Variants in NAAA observed in about 807,000 individuals in gnomAD.
NAAA encodes N-acylethanolamine acid amidase, also known as N-acylethanolamine-hydrolyzing acid amidase.
Under a neutral mutation model 44.8 loss-of-function variants are expected in NAAA, and 39 were observed. That is an observed-to-expected ratio of 0.87 (90% CI 0.67 to 1.14). The LOEUF (loss-of-function observed/expected upper bound fraction) is 1.14. Among genes scored for constraint, NAAA ranks in the 50% most tolerant of loss-of-function variants. NAAA has a pLI of 0.00. For synonymous variants in NAAA, 178 were observed against 191.3 expected, an observed-to-expected ratio of 0.93 and a Z score of 0.58; for missense variants, 460 against 467.8, an observed-to-expected ratio of 0.98 and a Z score of 0.15.
In NAAA at chr4:75,940,338, G is replaced by T. The variant is rs7694898; in HGVS notation, c.207-173C>A. 4,458 of 642,624 alleles carry T rather than the reference G, an allele frequency of 6.9e-3. 76 individuals are homozygous for T. Among genetic ancestry groups the T allele is most frequent in the African/African-American group, 0.045 (2,449 of 54,420 alleles). The allele number at this position is 642,624 out of a possible 1,614,324, so 39.8% of individuals were successfully genotyped here. A position where few individuals can be genotyped will look rare whatever the true frequency, so the allele number is the denominator to read the frequency against. ...ACTCAATCTGCAGCCTCCCGGGAGT[G>T]GGGGGAAGGGGGCGGGGGGAAGGCG... On this transcript the variant is annotated intron_variant, in intron 1 of 10. Transcript: ENST00000286733.
chr4:75,930,565 C>T (rs1044364065), intron 4 of NAAA: 1 of 488,370 alleles, frequency 2.0e-6, no homozygotes, highest in Non-Finnish European at 4.0e-6. Flanking sequence ...TCATATATCC[C>T]CTAGATTATC....
intron 2 of NAAA, 25 bp downstream of exon 2, chr4:75,939,976 C>T (rs768724091): frequency 6.2e-7 from 1 of 1,610,920 alleles, no homozygotes; most frequent in Admixed American, 1.7e-5. Context: ...CCCCGCGTTA[C>T]TCCGCGCGGG....
At chr4:75,922,770 A>G (rs1726292810) in intron 5 of NAAA, among the ~76,000 whole-genome samples, 1 of 152,180 alleles carries the variant, frequency 6.6e-6, no homozygotes, top group Non-Finnish European at 1.5e-5. Context: ...CAAAGAAGAA[A>G]TTTTCCCTTG....
Position 75,940,877 on chromosome 4 carries a change from GC to G in NAAA, c.72del (p.Leu25CysfsTer14), listed in dbSNP as rs1728225050. The G allele has an allele frequency of 6.4e-7, 1 of 1,563,824 alleles. No individual in the cohort carries two copies. Among genetic ancestry groups the G allele is most frequent in the South Asian group, 1.2e-5 (1 of 86,938 alleles). On this transcript the variant is annotated frameshift_variant, in exon 1 of 11. Transcript: ENST00000286733. LOFTEE classifies it high-confidence loss of function. ...SLLLLLLAGA[G>X]LSAASPPAAP... ...GCTGCTGGGGGCGAGGCGGCTGACA[GC>G]CCGGCCCCGGCCAGCAGCAGCAGCA... is the stretch of plus-strand genomic sequence containing the variant.
intron 9 of NAAA, 116 bp downstream of exon 9, chr4:75,918,645 G>C (rs1377320215): frequency 3.4e-5 from 36 of 1,046,682 alleles, no homozygotes; most frequent in Non-Finnish European, 4.6e-5. Flanking sequence ...CCCCACAGGA[G>C]TGCCCCCACA....
In NAAA at chr4:75,921,116, C is replaced by T. The variant is rs61735952; in HGVS notation, c.674G>A (p.Ser225Asn). The T allele has an allele frequency of 6.1e-3, 9,664 of 1,578,054 alleles. 499 individuals carry two copies. In the African/African-American group the frequency reaches 0.12, roughly 19 times the overall value. Reference sequence around the variant, plus strand: ...AGCTGCTTCGAAGTTTTCCGACTCACTCAGGGTCTGAACGAAAGGATGAAC... The same window carrying T: ...AGCTGCTTCGAAGTTTTCCGACTCATTCAGGGTCTGAACGAAAGGATGAAC... ...PVSWLIRATL[S>N]ESENFEAAVG... The change falls in exon 6 of 11, where the codon AGT becomes AAT. Residue 225 changes from serine to asparagine, a missense_variant. By Grantham distance (46) the Ser-to-Asn change is conservative (BLOSUM62 1). Transcript: ENST00000286733.
intron 9 of NAAA, among the ~76,000 whole-genome samples, chr4:75,915,794 G>C (rs547222561): frequency 2.0e-5 from 3 of 152,282 alleles, no homozygotes; most frequent in South Asian, 2.1e-4. Flanking sequence ...CCAGATCTAA[G>C]GATGAAAAGT....
At chr4:75,938,870 T>C (rs1727962306) in intron 2 of NAAA, among the ~76,000 whole-genome samples, 1 of 152,218 alleles carries the variant, frequency 6.6e-6, no homozygotes, top group Non-Finnish European at 1.5e-5. Flanking sequence ...TTCTTTGATA[T>C]GGAATCTCGC....
intron 2 of NAAA, among the ~76,000 whole-genome samples, chr4:75,939,095 C>T (rs1480518745): frequency 1.3e-5 from 2 of 152,168 alleles, no homozygotes; most frequent in Non-Finnish European, 2.9e-5. Flanking sequence ...TCAGGTGATT[C>T]ACCCGCCTCG....
At chr4:75,914,830 C>T in intron 10 of NAAA, 38 bp downstream of exon 10, 2 of 1,477,394 alleles carry the variant, frequency 1.4e-6, no homozygotes, top group South Asian at 2.3e-5. Context: ...CAGCACACAC[C>T]CACCTCACCC....
rs981312809 is a variant in NAAA at position 75,933,182 on chromosome 4, A to G, written c.499-1878T>C. On this transcript the variant is annotated intron_variant, in intron 3 of 10. Transcript: ENST00000286733. ...AAACAGTATCTGACTCATACTGTTC[A>G]ATAAAAGTTAACTAATACCATTATG... 7.9e-5 allele frequency among the ~76,000 whole-genome samples: 12 copies of G among 151,594 alleles called. 1 individual carries two copies. The highest frequency in any genetic ancestry group is 2.9e-4 in the African/African-American group (12 of 41,404).
intron 9 of NAAA, among the ~76,000 whole-genome samples, chr4:75,915,898 T>C (rs909527000): frequency 4.6e-5 from 7 of 152,190 alleles, no homozygotes; most frequent in Non-Finnish European, 8.8e-5. Flanking sequence ...TGGAATCCAG[T>C]TGAGGTGCAT....
chr4:75,927,650 C>CA (rs138766256), intron 4 of NAAA, among the ~76,000 whole-genome samples: 34,667 of 100,362 alleles, frequency 0.35, 5,853 homozygotes, highest in South Asian at 0.49. Context: ...CCCCCCCCGC[C>CA]AAAAAAAATA....
At chr4:75,934,974 T>C (rs979910895) in intron 3 of NAAA, 5 of 151,624 alleles carry the variant, frequency 3.3e-5, no homozygotes, top group African/African-American at 9.7e-5. Flanking sequence ...TATAGAACAA[T>C]GGAGAAAAAA....
chr4:75,923,998 C>T (rs974998441), intron 5 of NAAA, among the ~76,000 whole-genome samples: 9 of 152,148 alleles, frequency 5.9e-5, no homozygotes, highest in Admixed American at 2.6e-4. Flanking sequence ...ATCTTTGCTG[C>T]CCTATGTAAA....
At position 75,930,342 on chromosome 4, in the gene NAAA, T is replaced by C. The variant is rs1014341932; in HGVS notation, c.589+872A>G. ...TGGGGATGTCAATGAACAGAGCAAT[T>C]GGGTCAGGACCCAGGAGAGCAATCT... On this transcript the variant is annotated intron_variant, in intron 4 of 10. Transcript: ENST00000286733. 3 of 390,782 alleles carry C rather than the reference T, an allele frequency of 7.7e-6. No homozygotes were observed. In the Admixed American group the frequency reaches 9.9e-5, roughly 13 times the overall value. The allele number at this position is 390,782 out of a possible 1,614,324, so 24.2% of individuals were successfully genotyped here.
chr4:75,922,198 A>T (rs1464969616), intron 5 of NAAA, among the ~76,000 whole-genome samples: 2 of 152,038 alleles, frequency 1.3e-5, no homozygotes, highest in Non-Finnish European at 2.9e-5. Flanking sequence ...AGCAATAACC[A>T]TAAGGCAAGA....
At chr4:75,935,774 C>A in intron 3 of NAAA, 1 of 371,300 alleles carries the variant, frequency 2.7e-6, no homozygotes. Flanking sequence ...TTGCACTACC[C>A]AGCCCCTCCA....
In NAAA at chr4:75,931,742, C is replaced by T. The variant is rs576400476; in HGVS notation, c.499-438G>A. On this transcript the variant is annotated intron_variant, in intron 3 of 10. Transcript: ENST00000286733. ...TTTGAAATCATGGTAGTTATTAGAC[C>T]CCCTGCTAAACCTTACTATTTAATG... 3.2e-4 allele frequency among the ~76,000 whole-genome samples: 49 copies of T among 152,214 alleles called. No homozygotes were observed. In the South Asian group the frequency reaches 1.0e-2, roughly 31 times the overall value.
Sources: gnomAD v4.1 joint callset for allele counts (sites outside exome capture counted in the v4.1 genomes callset) on GRCh38, gnomAD v4.1.1 for gene constraint, MANE v1.5 for transcripts, NCBI Gene and HGNC (gene_info 2026-07-23, HGNC 2026-07-21) for gene names.